HMGCLL1: variants seen among roughly 807,000 people sequenced by gnomAD.
HMGCLL1 encodes 3-hydroxy-3-methylglutaryl-CoA lyase like 1.
In HMGCLL1, 36 loss-of-function variants were observed where a neutral mutation model predicts 39.1. The ratio of observed to expected loss-of-function variants is 0.92; its 90% CI spans 0.71 to 1.22. The LOEUF is 1.22. Ranked by LOEUF, HMGCLL1 falls within the 50% of genes most tolerant of loss-of-function variation. HMGCLL1 has a pLI of 0.00. For missense variants in HMGCLL1, 451 were observed against 416.5 expected, an observed-to-expected ratio of 1.08 and a Z score of -0.72; for synonymous variants, 149 against 144.0, an observed-to-expected ratio of 1.03 and a Z score of -0.25.
chr6:55,511,333 A>AT (rs1344239595), intron 5 of HMGCLL1, among the ~76,000 whole-genome samples: 2 of 152,010 alleles, frequency 1.3e-5, no homozygotes, highest in African/African-American at 4.8e-5. Context: ...TCTCTTCACA[A>AT]TGTGTCCCAG....
intron 7 of HMGCLL1, among the ~76,000 whole-genome samples, chr6:55,447,848 G>A (rs1454724383): frequency 6.6e-6 from 1 of 152,064 alleles, no homozygotes; most frequent in Non-Finnish European, 1.5e-5. Context: ...GCAAATCCAG[G>A]TTTAACAACT....
chr6:55,521,237 T>C (rs144219584), intron 3 of HMGCLL1, among the ~76,000 whole-genome samples: 28 of 152,220 alleles, frequency 1.8e-4, no homozygotes, highest in Admixed American at 1.8e-3. Flanking sequence ...CCAAATTCCC[T>C]GAGATTAGTG....
intron 1 of HMGCLL1, among the ~76,000 whole-genome samples, chr6:55,545,385 A>T (rs1769903863): frequency 6.6e-6 from 1 of 152,166 alleles, no homozygotes; most frequent in African/African-American, 2.4e-5. Flanking sequence ...ATTAACAATT[A>T]TGGCCATTTC....
chr6:55,657,570 G>T, the HMGCLL1 span, among the ~76,000 whole-genome samples: 1 of 151,784 alleles, frequency 6.6e-6, no homozygotes, highest in South Asian at 2.1e-4. Flanking sequence ...CCAGTACCAT[G>T]CTATTTTGGT....
the HMGCLL1 span, among the ~76,000 whole-genome samples, chr6:55,662,801 C>A: frequency 2.0e-5 from 3 of 151,752 alleles, 1 homozygote; most frequent in East Asian, 5.9e-4. Context: ...GGCTGTGAAT[C>A]CATCTGACCC....
chr6:55,499,515 T>G (rs1365426657), intron 5 of HMGCLL1, among the ~76,000 whole-genome samples: 1 of 152,104 alleles, frequency 6.6e-6, no homozygotes, highest in Non-Finnish European at 1.5e-5. Context: ...TTGATATGTG[T>G]TTTTGATGAC....
the HMGCLL1 span, among the ~76,000 whole-genome samples, chr6:55,668,137 G>A: frequency 0.013 from 1,952 of 151,964 alleles, 47 homozygotes; most frequent in African/African-American, 0.045. Flanking sequence ...TGAGCAAGAA[G>A]GCATTTCGGG....
intron 1 of HMGCLL1, among the ~76,000 whole-genome samples, chr6:55,575,734 A>T (rs1771730118): frequency 3.3e-5 from 5 of 151,994 alleles, no homozygotes. Flanking sequence ...TCTCTCCATT[A>T]AACTACTATG....
chr6:55,595,380 A>G, the HMGCLL1 span, among the ~76,000 whole-genome samples: 1 of 152,236 alleles, frequency 6.6e-6, no homozygotes, highest in Non-Finnish European at 1.5e-5. Context: ...AGGACTGTTA[A>G]TATGTCCACT....
the HMGCLL1 span, among the ~76,000 whole-genome samples, chr6:55,649,163 A>G: frequency 1.3e-5 from 2 of 152,092 alleles, no homozygotes; most frequent in Admixed American, 1.3e-4. Flanking sequence ...CTGTGTGCTT[A>G]CTATTACCAG....
intron 7 of HMGCLL1, among the ~76,000 whole-genome samples, chr6:55,481,675 T>A (rs951966311): frequency 1.3e-5 from 2 of 150,816 alleles, no homozygotes; most frequent in East Asian, 3.9e-4. Flanking sequence ...CCAACCTATT[T>A]TTTTTTTGTC....
the HMGCLL1 span, among the ~76,000 whole-genome samples, chr6:55,643,156 C>T: frequency 6.6e-6 from 1 of 151,978 alleles, no homozygotes; most frequent in African/African-American, 2.4e-5. Context: ...GGTATATACC[C>T]AGTAAAGGGA....
rs576879078 is a variant in HMGCLL1 at position 55,542,155 on chromosome 6, G to A, written c.109-15C>T. The A allele has an allele frequency of 3.2e-6, 5 of 1,548,602 alleles. No homozygotes were observed. The highest frequency in any genetic ancestry group is 1.4e-5 in the African/African-American group (1 of 73,468). On this transcript the variant is annotated splice_polypyrimidine_tract_variant and intron_variant, in intron 1 of 8. Transcript: ENST00000274901. ...TGGGATGTTTCCTGAAATGCAAAAT[G>A]TAAGAACAAGATAACGTAACTTTTA...
the HMGCLL1 span, among the ~76,000 whole-genome samples, chr6:55,629,092 T>A: frequency 6.6e-6 from 1 of 152,014 alleles, no homozygotes; most frequent in African/African-American, 2.4e-5. Context: ...GTTGGAACAG[T>A]TTGGAGGGCT....
At chr6:55,554,092 TTCAA>T (rs1280160979) in intron 1 of HMGCLL1, among the ~76,000 whole-genome samples, 5 of 152,176 alleles carry the variant, frequency 3.3e-5, no homozygotes, top group Non-Finnish European at 7.3e-5. Flanking sequence ...AGAGCTCGTA[TTCAA>T]AACCTGGCTC....
intron 3 of HMGCLL1, among the ~76,000 whole-genome samples, chr6:55,522,952 T>C (rs1768110709): frequency 1.3e-5 from 2 of 151,956 alleles, no homozygotes; most frequent in African/African-American, 4.8e-5. Context: ...CTAAAATTCA[T>C]GTGAGAAAAA....
chr6:55,632,052 TA>T, the HMGCLL1 span, among the ~76,000 whole-genome samples: 1 of 152,122 alleles, frequency 6.6e-6, no homozygotes, highest in African/African-American at 2.4e-5. Flanking sequence ...GCTTTGTTTT[TA>T]AAATTTTTAA....
chr6:55,559,467 G>A (rs778885155), intron 1 of HMGCLL1, among the ~76,000 whole-genome samples: 5 of 152,170 alleles, frequency 3.3e-5, no homozygotes, highest in Non-Finnish European at 7.4e-5. Flanking sequence ...GTGAAGCAAA[G>A]TCATGTTACT....
chr6:55,526,957 T>C (rs181136571), intron 3 of HMGCLL1, among the ~76,000 whole-genome samples: 21 of 152,108 alleles, frequency 1.4e-4, no homozygotes, highest in African/African-American at 5.1e-4. Context: ...AAGTCTAACA[T>C]CAACAGAACT....
Sources: allele counts gnomAD v4.1 joint callset (sites outside exome capture counted in the v4.1 genomes callset), GRCh38; gene constraint gnomAD v4.1.1; transcripts MANE v1.5; gene names NCBI Gene and HGNC (gene_info 2026-07-23, HGNC 2026-07-21).